SH3GL2: variants seen among roughly 807,000 people sequenced by gnomAD.
The protein encoded by SH3GL2 is SH3 domain containing GRB2 like 2, endophilin A1, also known as endophilin-A1.
A neutral mutation model predicts 46.0 loss-of-function variants in SH3GL2; 24 were observed. The observed-to-expected ratio is 0.52, with a 90% confidence interval of 0.38 to 0.73. The LOEUF is 0.73. Among genes scored for constraint, SH3GL2 ranks in the 30% least tolerant of loss-of-function variants. The pLI, the probability that SH3GL2 is intolerant of heterozygous loss-of-function variation, is 0.00. For synonymous variants in SH3GL2, 196 were observed against 147.1 expected, an observed-to-expected ratio of 1.33 and a Z score of -2.40; for missense variants, 413 against 424.2, an observed-to-expected ratio of 0.97 and a Z score of 0.23.
intron 1 of SH3GL2, among the ~76,000 whole-genome samples, chr9:17,665,986 A>G (rs1820332335): frequency 6.6e-6 from 1 of 150,414 alleles, no homozygotes; most frequent in Non-Finnish European, 1.5e-5. Flanking sequence ...TCCTTTCCAT[A>G]TTTGTAACTC....
intron 3 of SH3GL2, among the ~76,000 whole-genome samples, chr9:17,778,164 G>C (rs1050333628): frequency 6.6e-6 from 1 of 152,138 alleles, no homozygotes; most frequent in Non-Finnish European, 1.5e-5. Context: ...AACATCATTT[G>C]TAATCCTCAC....
At chr9:17,700,403 G>A (rs1403886520) in intron 1 of SH3GL2, among the ~76,000 whole-genome samples, 1 of 152,150 alleles carries the variant, frequency 6.6e-6, no homozygotes, top group African/African-American at 2.4e-5. Context: ...ACTTCCTAAA[G>A]CAATACCCTA....
At chr9:17,722,957 A>G (rs964929034) in intron 1 of SH3GL2, among the ~76,000 whole-genome samples, 2 of 152,138 alleles carry the variant, frequency 1.3e-5, no homozygotes, top group African/African-American at 4.8e-5. Flanking sequence ...AGATGCCTTG[A>G]ATCTAAATCA....
At chr9:17,679,702 G>T (rs1820716490) in intron 1 of SH3GL2, among the ~76,000 whole-genome samples, 1 of 152,152 alleles carries the variant, frequency 6.6e-6, no homozygotes, top group African/African-American at 2.4e-5. Flanking sequence ...TCCTTGTCTT[G>T]TGCGAGTTTT....
At chr9:17,701,785 A>G (rs924824140) in intron 1 of SH3GL2, among the ~76,000 whole-genome samples, 6 of 152,092 alleles carry the variant, frequency 3.9e-5, no homozygotes, top group Non-Finnish European at 8.8e-5. Context: ...TAACACATGT[A>G]TGATTTTTCC....
chr9:17,733,081 A>G (rs1034717469), intron 1 of SH3GL2, among the ~76,000 whole-genome samples: 1 of 152,030 alleles, frequency 6.6e-6, no homozygotes, highest in African/African-American at 2.4e-5. Flanking sequence ...ATATCTTCCC[A>G]TCAAATCATA....
chr9:17,628,878 T>A (rs763883878), intron 1 of SH3GL2, among the ~76,000 whole-genome samples: 2 of 152,178 alleles, frequency 1.3e-5, no homozygotes, highest in Non-Finnish European at 2.9e-5. Flanking sequence ...AGCTTTAGTA[T>A]TTTTAGAAGT....
chr9:17,693,407 C>T (rs544415303), intron 1 of SH3GL2, among the ~76,000 whole-genome samples: 1 of 152,284 alleles, frequency 6.6e-6, no homozygotes, highest in South Asian at 2.1e-4. Context: ...AAATATCCAA[C>T]TTCTACTTTC....
intron 1 of SH3GL2, among the ~76,000 whole-genome samples, chr9:17,633,264 T>A (rs1205519011): frequency 6.6e-6 from 1 of 152,190 alleles, no homozygotes; most frequent in African/African-American, 2.4e-5. Context: ...CCTGCCCTTC[T>A]TGGCAGGAGT....
intron 1 of SH3GL2, among the ~76,000 whole-genome samples, chr9:17,599,104 T>G (rs1016673942): frequency 6.6e-6 from 1 of 152,254 alleles, no homozygotes; most frequent in African/African-American, 2.4e-5. Context: ...GCTATTCGTT[T>G]GAGAAATAAA....
chr9:17,583,091 G>T (rs1818307152), intron 1 of SH3GL2, among the ~76,000 whole-genome samples: 1 of 152,080 alleles, frequency 6.6e-6, no homozygotes, highest in African/African-American at 2.4e-5. Flanking sequence ...TTTTGGGAGG[G>T]GCACAGTTCA....
rs999145978 is a variant in SH3GL2, at chr9:17,715,713, A to G, written c.46-31353A>G. ...AGCTGTTCCTCAACTCATAATGGGCATCGCATTATGTCCAGATAAACCTAT... is the reference window on the plus strand; with the variant it reads ...AGCTGTTCCTCAACTCATAATGGGCGTCGCATTATGTCCAGATAAACCTAT... On this transcript the variant is annotated intron_variant, in intron 1 of 8. Transcript: ENST00000380607. Among the ~76,000 whole-genome samples, 7 of 151,802 alleles carry G rather than the reference A, an allele frequency of 4.6e-5. No individual in the cohort carries two copies. In the Admixed American group the frequency reaches 4.6e-4, roughly 10 times the overall value.
intron 2 of SH3GL2, among the ~76,000 whole-genome samples, chr9:17,761,141 A>C (rs12554241): frequency 2.0e-5 from 3 of 152,136 alleles, no homozygotes; most frequent in African/African-American, 7.2e-5. Context: ...CTGGGACAAA[A>C]TATGTTTCAT....
intron 1 of SH3GL2, among the ~76,000 whole-genome samples, chr9:17,707,804 C>G (rs146644558): frequency 6.6e-6 from 1 of 151,984 alleles, no homozygotes; most frequent in Non-Finnish European, 1.5e-5. Context: ...AAGCCTGTTT[C>G]ATTTGCTACC....
At chr9:17,672,955 A>G (rs1322743649) in intron 1 of SH3GL2, among the ~76,000 whole-genome samples, 1 of 152,158 alleles carries the variant, frequency 6.6e-6, no homozygotes, top group Non-Finnish European at 1.5e-5. Context: ...CTTCTCCTCC[A>G]GAGAAGACTA....
intron 1 of SH3GL2, chr9:17,653,714 A>G (rs1820006430): frequency 1.2e-5 from 2 of 162,724 alleles, no homozygotes; most frequent in Admixed American, 6.5e-5. Flanking sequence ...TCCTTTGTGT[A>G]CTTAAATGAT....
At chr9:17,763,312 A>G (rs1269116690) in intron 3 of SH3GL2, among the ~76,000 whole-genome samples, 1 of 152,184 alleles carries the variant, frequency 6.6e-6, no homozygotes, top group South Asian at 2.1e-4. Flanking sequence ...ATCCAGAACT[A>G]AACTTATAAG....
rs183446439 is a variant in SH3GL2, at chr9:17,669,136, G to A, written c.46-77930G>A. 1.1e-3 allele frequency among the ~76,000 whole-genome samples: 166 copies of A among 152,192 alleles called. 1 individual carries two copies. Among genetic ancestry groups the A allele is most frequent in the Non-Finnish European group, 1.4e-3 (92 of 68,016 alleles). Reference sequence around the variant, plus strand: ...TTTTGTGTTAGTTTTAGATTCATATGCAGTTGTAAGAAATAATACAGAGAT... The same window carrying A: ...TTTTGTGTTAGTTTTAGATTCATATACAGTTGTAAGAAATAATACAGAGAT... On this transcript the variant is annotated intron_variant, in intron 1 of 8. Coordinates refer to ENST00000380607, the MANE Select transcript of SH3GL2 (RefSeq NM_003026.5).
At chr9:17,727,356 A>G (rs1822050004) in intron 1 of SH3GL2, among the ~76,000 whole-genome samples, 2 of 152,210 alleles carry the variant, frequency 1.3e-5, no homozygotes, top group African/African-American at 4.8e-5. Context: ...AATGACGTTT[A>G]CATTTTAAAA....
Sources: gnomAD v4.1 joint callset for allele counts (sites outside exome capture counted in the v4.1 genomes callset) on GRCh38, gnomAD v4.1.1 for gene constraint, MANE v1.5 for transcripts, NCBI Gene and HGNC (gene_info 2026-07-23, HGNC 2026-07-21) for gene names.